GPM6A: variants seen among roughly 807,000 people sequenced by gnomAD.
GPM6A encodes glycoprotein M6A.
In GPM6A, 7 loss-of-function variants were observed where a neutral mutation model predicts 32.1. The ratio of observed to expected loss-of-function variants is 0.22; its 90% confidence interval spans 0.12 to 0.41. The LOEUF (loss-of-function observed/expected upper bound fraction) is 0.41, where lower values mean the gene tolerates loss of function less well. GPM6A is among the 10% of genes least tolerant of loss of function. GPM6A has a pLI of 1.00. For missense variants in GPM6A, 235 were observed against 347.2 expected, an observed-to-expected ratio of 0.68 and a Z score of 2.57; for synonymous variants, 130 against 123.4, an observed-to-expected ratio of 1.05 and a Z score of -0.35.
intron 1 of GPM6A, among the ~76,000 whole-genome samples, chr4:175,932,148 A>G (rs1316027735): frequency 2.6e-5 from 4 of 151,948 alleles, no homozygotes; most frequent in African/African-American, 4.8e-5. Flanking sequence ...GCTAGGAATG[A>G]TAAGTATGGA....
intron 1 of GPM6A, among the ~76,000 whole-genome samples, chr4:175,954,796 T>C (rs1211904579): frequency 1.3e-5 from 2 of 152,208 alleles, no homozygotes; most frequent in African/African-American, 4.8e-5. Flanking sequence ...TTTCTACATA[T>C]CTAGGGCAAG....
intron 1 of GPM6A, among the ~76,000 whole-genome samples, chr4:175,918,363 AG>A (rs1397162874): frequency 6.6e-6 from 1 of 152,170 alleles, no homozygotes; most frequent in African/African-American, 2.4e-5. Context: ...CATGTGGAAG[AG>A]GCTTTAGGAG....
intron 1 of GPM6A, among the ~76,000 whole-genome samples, chr4:175,703,316 C>G (rs915518103): frequency 6.6e-6 from 1 of 152,004 alleles, no homozygotes; most frequent in Non-Finnish European, 1.5e-5. Flanking sequence ...GGACTACTGG[C>G]GCACGTCACC....
At position 175,887,804 on chromosome 4, in the gene GPM6A, A is replaced by G. The variant is rs536541206; in HGVS notation, c.-22-75555T>C. Among the ~76,000 whole-genome samples, 9 of 152,092 alleles carry G rather than the reference A, an allele frequency of 5.9e-5. No individual in the cohort carries two copies. The East Asian group carries it at 1.7e-3, about 29-fold the overall frequency. ...TATTTTAAGTGTTTCAAAATGAAATAGCAAGCCTGAACTGCATAATAATAA... is the reference window on the plus strand; with the variant it reads ...TATTTTAAGTGTTTCAAAATGAAATGGCAAGCCTGAACTGCATAATAATAA... On this transcript the variant is annotated intron_variant, in intron 1 of 7. Coordinates refer to the GPM6A transcript ENST00000280187.
intron 1 of GPM6A, among the ~76,000 whole-genome samples, chr4:175,748,417 T>A (rs1732191286): frequency 6.6e-6 from 1 of 152,224 alleles, no homozygotes; most frequent in Admixed American, 6.5e-5. Context: ...AGATGTTGTA[T>A]TAGCAGGCAT....
chr4:176,001,608 T>C (rs971939239), intron 1 of GPM6A, among the ~76,000 whole-genome samples: 3 of 152,150 alleles, frequency 2.0e-5, no homozygotes, highest in African/African-American at 7.2e-5. Flanking sequence ...TGAGCGAAGC[T>C]GAACTGCGCC....
chr4:175,737,843 G>A (rs928286589), intron 1 of GPM6A, among the ~76,000 whole-genome samples: 5 of 151,888 alleles, frequency 3.3e-5, no homozygotes, highest in Non-Finnish European at 5.9e-5. Flanking sequence ...AACTAATAGA[G>A]CAAGAATTCA....
intron 1 of GPM6A, among the ~76,000 whole-genome samples, chr4:175,749,384 A>G (rs898263916): frequency 6.6e-6 from 1 of 152,194 alleles, no homozygotes; most frequent in Middle Eastern, 3.2e-3. Context: ...GAGCTGTTGG[A>G]AAAATGGTGT....
intron 1 of GPM6A, among the ~76,000 whole-genome samples, chr4:175,772,182 G>A (rs942666969): frequency 6.6e-6 from 1 of 152,062 alleles, no homozygotes; most frequent in Non-Finnish European, 1.5e-5. Context: ...CTTAATATGA[G>A]GCCAGTCTAT....
At chr4:175,800,301 G>A (rs1734423700) in intron 1 of GPM6A, among the ~76,000 whole-genome samples, 1 of 152,106 alleles carries the variant, frequency 6.6e-6, no homozygotes, top group Admixed American at 6.6e-5. Flanking sequence ...CCAAATCTAG[G>A]TAGAGGTATA....
At chr4:175,995,114 C>T (rs1410812594) in intron 1 of GPM6A, among the ~76,000 whole-genome samples, 2 of 152,164 alleles carry the variant, frequency 1.3e-5, no homozygotes, top group Non-Finnish European at 2.9e-5. Flanking sequence ...CCACTGAAGG[C>T]TTGAGCCCCT....
chr4:175,990,648 T>C (rs569703299), intron 1 of GPM6A, among the ~76,000 whole-genome samples: 1 of 151,908 alleles, frequency 6.6e-6, no homozygotes, highest in Non-Finnish European at 1.5e-5. Context: ...AAGTAGTTTT[T>C]TTTTTTTTTT....
intron 1 of GPM6A, among the ~76,000 whole-genome samples, chr4:175,933,717 T>C (rs540589850): frequency 6.6e-6 from 1 of 152,196 alleles, no homozygotes; most frequent in Admixed American, 6.5e-5. Context: ...TAATTTTTTT[T>C]GTATTTTTAG....
chr4:175,735,586 G>A (rs1731625900), intron 1 of GPM6A, among the ~76,000 whole-genome samples: 1 of 150,516 alleles, frequency 6.6e-6, no homozygotes, highest in South Asian at 2.1e-4. Flanking sequence ...TTGAGGCAGA[G>A]TCTTGCTCTG....
intron 1 of GPM6A, among the ~76,000 whole-genome samples, chr4:175,928,249 TG>T (rs1201291992): frequency 2.6e-5 from 4 of 152,202 alleles, no homozygotes; most frequent in African/African-American, 9.6e-5. Flanking sequence ...AATATAAACC[TG>T]CTCATTAACA....
intron 1 of GPM6A, among the ~76,000 whole-genome samples, chr4:175,832,053 G>A (rs1453731808): frequency 6.6e-6 from 1 of 151,922 alleles, no homozygotes; most frequent in Admixed American, 6.6e-5. Flanking sequence ...TCTTAATGCT[G>A]GAAGTACCTT....
chr4:175,692,957 C>T (rs1744378831), intron 2 of GPM6A, among the ~76,000 whole-genome samples: 1 of 151,836 alleles, frequency 6.6e-6, no homozygotes, highest in South Asian at 2.1e-4. Flanking sequence ...TGCAAAATAC[C>T]ATATAGTATA....
intron 4 of GPM6A, chr4:175,641,113 G>A: frequency 2.5e-6 from 1 of 400,252 alleles, no homozygotes; most frequent in Non-Finnish European, 4.6e-6. Context: ...CCAGTTTATT[G>A]GTTTGGCCCA....
chr4:175,634,936 C>T lies in GPM6A; in HGVS notation c.806G>A (p.Arg269His), dbSNP rs116256200. The T allele has an allele frequency of 1.2e-6, 2 of 1,613,622 alleles. No individual in the cohort carries two copies. Among genetic ancestry groups the T allele is most frequent in the African/African-American group, 1.3e-5 (1 of 75,022 alleles). Residue 269 changes from arginine (R) to histidine (H), a missense_variant, in exon 7 of 7, where the codon CGC (arginine) becomes CAC (histidine). Physicochemically the swap from Arg to His is conservative, Grantham distance 29 (BLOSUM62 0). This residue lies in a region of GPM6A where 27 missense variants were observed against 59.4 expected (regional missense o/e 0.45). Coordinates refer to ENST00000393658, the MANE Select transcript of GPM6A (RefSeq NM_201591.3). ...GTATGCATTGAGCCGCTCTTTGGAG[C>T]GAGTAGAGTGGATGTCATGAAGCTC... Reference protein sequence around the residue: ...EQELHDIHSTRSKERLNAYT With the variant: ...EQELHDIHSTHSKERLNAYT
Sources: allele counts gnomAD v4.1 joint callset (sites outside exome capture counted in the v4.1 genomes callset), GRCh38; gene constraint gnomAD v4.1.1; regional missense constraint gnomAD v4.1.1; transcripts MANE v1.5; gene names NCBI Gene and HGNC (gene_info 2026-07-23, HGNC 2026-07-21).